LYRM7: variants seen among roughly 807,000 people sequenced by gnomAD.
LYRM7 encodes the protein complex III assembly factor LYRM7.
In LYRM7, 9 loss-of-function variants were observed where a neutral mutation model predicts 15.8. The ratio of observed to expected loss-of-function variants is 0.57; its 90% CI spans 0.34 to 0.99. LYRM7 has a LOEUF of 0.99. Among genes scored for constraint, LYRM7 ranks in the 50% least tolerant of loss-of-function variants. The pLI, the probability that LYRM7 is intolerant of heterozygous loss-of-function variation, is 0.02. For missense variants in LYRM7, 115 were observed against 119.1 expected, an observed-to-expected ratio of 0.97 and a Z score of 0.16; for synonymous variants, 39 against 39.4, an observed-to-expected ratio of 0.99 and a Z score of 0.04.
chr5:131,193,124 C>T (rs1755911172), intron 4 of LYRM7, among the ~76,000 whole-genome samples: 1 of 152,134 alleles, frequency 6.6e-6, no homozygotes, highest in South Asian at 2.1e-4. Context: ...AAACAAAAAG[C>T]TCCAAGAAGC....
chr5:131,186,777 A>G (rs1194499868), intron 3 of LYRM7, among the ~76,000 whole-genome samples: 1 of 152,220 alleles, frequency 6.6e-6, no homozygotes, highest in Non-Finnish European at 1.5e-5. Context: ...GACAGGCTGG[A>G]GCAGATGGCA....
At chr5:131,188,184 G>A (rs1755827733) in intron 4 of LYRM7, among the ~76,000 whole-genome samples, 1 of 152,066 alleles carries the variant, frequency 6.6e-6, no homozygotes, top group African/African-American at 2.4e-5. Context: ...TTCAGCCCAG[G>A]AGGTTGAGGC....
intron 4 of LYRM7, among the ~76,000 whole-genome samples, chr5:131,192,448 G>A: frequency 6.6e-6 from 1 of 152,164 alleles, no homozygotes; most frequent in South Asian, 2.1e-4. Context: ...ACAAAGAAAT[G>A]ATCAATAAGG....
chr5:131,184,640 C>CGGCGGGG (rs1554090136), intron 3 of LYRM7, among the ~76,000 whole-genome samples: 1 of 127,434 alleles, frequency 7.8e-6, no homozygotes, highest in African/African-American at 3.7e-5. Flanking sequence ...TTTTTTTTGG[C>CGGCGGGG]GGGGGGGGGG....
At chr5:131,178,600 T>C (rs554507464) in intron 1 of LYRM7, among the ~76,000 whole-genome samples, 1 of 152,032 alleles carries the variant, frequency 6.6e-6, no homozygotes, top group South Asian at 2.1e-4. Flanking sequence ...CTTTTCTCTC[T>C]TTTTATTTTT....
chr5:131,182,415 C>G, intron 3 of LYRM7, 116 bp downstream of exon 3: 3 of 989,662 alleles, frequency 3.0e-6, no homozygotes, highest in South Asian at 3.8e-5. Context: ...TTAAGGCCAT[C>G]ACAACTGTAG....
chr5:131,173,548 C>T (rs1008172354), intron 1 of LYRM7, among the ~76,000 whole-genome samples: 5 of 152,110 alleles, frequency 3.3e-5, no homozygotes, highest in African/African-American at 1.2e-4. Context: ...GTTCGAGACC[C>T]ATCTGGCCAA....
chr5:131,185,204 C>G (rs1229114152), intron 3 of LYRM7, among the ~76,000 whole-genome samples: 1 of 152,098 alleles, frequency 6.6e-6, no homozygotes, highest in Non-Finnish European at 1.5e-5. Context: ...CTACTACTCA[C>G]AACCCCATGA....
chr5:131,187,244 A>G (rs1755810577), intron 4 of LYRM7, 135 bp downstream of exon 4: 1 of 529,292 alleles, frequency 1.9e-6, no homozygotes. Context: ...TATATATTTT[A>G]CAAGGTTATA....
intron 4 of LYRM7, among the ~76,000 whole-genome samples, chr5:131,194,549 C>G (rs17165972): frequency 0.03 from 4,587 of 152,268 alleles, 243 homozygotes; most frequent in African/African-American, 0.1. Flanking sequence ...GAAGCACACT[C>G]ACTTGTATTC....
chr5:131,180,696 C>T (rs1580693926), intron 2 of LYRM7, among the ~76,000 whole-genome samples: 1 of 152,106 alleles, frequency 6.6e-6, no homozygotes, highest in Non-Finnish European at 1.5e-5. Flanking sequence ...TAAGAGTGCA[C>T]CTAGGTAAAG....
rs1242175697 is a variant in LYRM7, at chr5:131,204,754, G to GT, written c.*5154dup. ...AACGGATGTTCATTTGTGTGTGTGT[G>GT]TGTGTGTAAGCAGGTGTTGCTAGAA... is the stretch of plus-strand genomic sequence containing the variant. On this transcript the variant is annotated 3_prime_UTR_variant, in exon 5 of 5. Transcript: ENST00000379380. 2 of 151,426 alleles carry GT rather than the reference G, an allele frequency of 1.3e-5. No individual in the cohort carries two copies. Among genetic ancestry groups the GT allele is most frequent in the Non-Finnish European group, 1.5e-5 (1 of 67,954 alleles). The allele number at this position is 151,426 out of a possible 1,614,324, so 9.4% of individuals were successfully genotyped here. A position where few individuals can be genotyped will look rare whatever the true frequency, so the allele number is the denominator to read the frequency against.
In LYRM7 at chr5:131,199,618, C is replaced by T; in HGVS notation, c.*17C>T. 4 of 1,564,396 alleles carry T rather than the reference C, an allele frequency of 2.6e-6. No homozygotes were observed. Among genetic ancestry groups the T allele is most frequent in the Non-Finnish European group, 3.5e-6 (4 of 1,150,462 alleles). On this transcript the variant is annotated 3_prime_UTR_variant, in exon 5 of 5. Transcript: ENST00000379380. The stretch of plus-strand genomic sequence containing the variant: ...AAGCAATGAGTTTTCTAGAATACAA[C>T]AAGTCTTTGTACTTTTTAACTTTAA...
intron 4 of LYRM7, among the ~76,000 whole-genome samples, chr5:131,191,748 T>A (rs549443723): frequency 1.7e-4 from 26 of 152,094 alleles, no homozygotes; most frequent in African/African-American, 6.3e-4. Flanking sequence ...AAATAACAAA[T>A]GCTGACAAGG....
At chr5:131,182,180 A>T (rs1580695078) in intron 2 of LYRM7, 49 bp from the exon 3 acceptor site, 1 of 1,329,868 alleles carries the variant, frequency 7.5e-7, no homozygotes, top group East Asian at 3.0e-5. Context: ...TTGAGATAGG[A>T]ATTATAGATT....
chr5:131,188,043 G>A (rs1292596725), intron 4 of LYRM7, among the ~76,000 whole-genome samples: 1 of 151,932 alleles, frequency 6.6e-6, no homozygotes, highest in Non-Finnish European at 1.5e-5. Flanking sequence ...TCTAGATTGA[G>A]CCCAGGAGTT....
chr5:131,173,630 G>A (rs1232361410), intron 1 of LYRM7, among the ~76,000 whole-genome samples: 1 of 152,106 alleles, frequency 6.6e-6, no homozygotes, highest in Non-Finnish European at 1.5e-5. Flanking sequence ...TGTAATCCCA[G>A]CTACGCTACT....
chr5:131,181,316 T>TATACAC (rs1208669077), intron 2 of LYRM7, among the ~76,000 whole-genome samples: 3 of 27,638 alleles, frequency 1.1e-4, no homozygotes, highest in African/African-American at 3.1e-4. Flanking sequence ...TATATATATA[T>TATACAC]ACACACACAC....
chr5:131,175,285 T>C (rs6865787), intron 1 of LYRM7, among the ~76,000 whole-genome samples: 26,801 of 148,562 alleles, frequency 0.18, 6,120 homozygotes, highest in African/African-American at 0.54. Context: ...CCACAACCCC[T>C]GCCTCCCAGG....
Sources: allele counts gnomAD v4.1 joint callset (sites outside exome capture counted in the v4.1 genomes callset), GRCh38; gene constraint gnomAD v4.1.1; transcripts MANE v1.5; gene names NCBI Gene and HGNC (gene_info 2026-07-23, HGNC 2026-07-21).